Variants in KIF16B observed in about 807,000 individuals in gnomAD.
KIF16B encodes the protein kinesin family member 16B.
A neutral mutation model predicts 156.3 loss-of-function variants in KIF16B; 98 were observed. The observed-to-expected ratio is 0.63, with a 90% CI of 0.53 to 0.74. KIF16B has a LOEUF of 0.74. KIF16B is among the 30% of genes least tolerant of loss of function. KIF16B has a pLI of 0.00. For missense variants in KIF16B, 1,421 were observed against 1,606.5 expected, an observed-to-expected ratio of 0.88 and a Z score of 1.97; for synonymous variants, 564 against 583.7, an observed-to-expected ratio of 0.97 and a Z score of 0.49.
At chr20:16,564,087 T>C (rs1157779406) in intron 1 of KIF16B, among the ~76,000 whole-genome samples, 1 of 152,160 alleles carries the variant, frequency 6.6e-6, no homozygotes, top group Non-Finnish European at 1.5e-5. Context: ...AAAAAATCTG[T>C]CTTCTGCTGA....
intron 11 of KIF16B, 55 bp from the exon 12 acceptor site, chr20:16,494,405 C>A: frequency 3.3e-6 from 4 of 1,204,370 alleles, no homozygotes; most frequent in Non-Finnish European, 4.8e-6. Flanking sequence ...TTATAATTTT[C>A]TTCTAGTTTC....
intron 23 of KIF16B, among the ~76,000 whole-genome samples, chr20:16,340,832 C>A (rs1187545282): frequency 6.6e-6 from 1 of 152,166 alleles, no homozygotes; most frequent in African/African-American, 2.4e-5. Flanking sequence ...ATATCAACTT[C>A]TCTAATGAAC....
At position 16,504,659 on chromosome 20, in the gene KIF16B, A is replaced by G. The variant is rs1341766459; in HGVS notation, c.1001-112T>C. On this transcript the variant is annotated intron_variant, in intron 9 of 25. Transcript: ENST00000354981. Reference sequence around the variant, plus strand: ...TAACCCCAGGTCATTGGAGAGACTAAATATTCATTGCCACAGTAATGAATA... The same window carrying G: ...TAACCCCAGGTCATTGGAGAGACTAGATATTCATTGCCACAGTAATGAATA... 2.2e-5 allele frequency: 17 copies of G among 767,176 alleles called. No homozygotes were observed. In the Admixed American group the frequency reaches 2.4e-4, roughly 11 times the overall value. 47.5% of individuals were successfully genotyped at this position (767,176 alleles called of 1,614,324 possible).
chr20:16,529,076 T>C (rs1369686142), intron 1 of KIF16B, among the ~76,000 whole-genome samples: 1 of 152,216 alleles, frequency 6.6e-6, no homozygotes, highest in Non-Finnish European at 1.5e-5. Flanking sequence ...TATACTGGGA[T>C]ATACTGTTCA....
At chr20:16,310,629 G>A (rs73234344) in intron 25 of KIF16B, among the ~76,000 whole-genome samples, 3,785 of 152,222 alleles carry the variant, frequency 0.025, 147 homozygotes, top group African/African-American at 0.085. Context: ...ATGAAGGCAG[G>A]GAAGAGTTAG....
intron 1 of KIF16B, among the ~76,000 whole-genome samples, chr20:16,564,021 C>T (rs960697520): frequency 1.3e-5 from 2 of 152,204 alleles, no homozygotes; most frequent in South Asian, 4.2e-4. Flanking sequence ...CTTCTTTCAC[C>T]AACCCCAAAC....
chr20:16,416,506 G>A (rs2144942), intron 15 of KIF16B, among the ~76,000 whole-genome samples: 72,708 of 151,910 alleles, frequency 0.48, 18,128 homozygotes, highest in East Asian at 0.77. Flanking sequence ...GTTCTCACTT[G>A]TAAGTGGGAG....
chr20:16,283,544 G>A (rs752482048), intron 25 of KIF16B, among the ~76,000 whole-genome samples: 1 of 152,164 alleles, frequency 6.6e-6, no homozygotes, highest in Non-Finnish European at 1.5e-5. Flanking sequence ...CAGTGAGCCC[G>A]CCAGGTCTCC....
chr20:16,470,473 A>ATTTTGTTCT (rs2067630085), intron 12 of KIF16B, among the ~76,000 whole-genome samples: 1 of 151,876 alleles, frequency 6.6e-6, no homozygotes, highest in Non-Finnish European at 1.5e-5. Context: ...TTAAAGTTCC[A>ATTTTGTTCT]TTTTGTTCTT....
chr20:16,279,284 G>C (rs947126645), intron 25 of KIF16B, among the ~76,000 whole-genome samples: 1 of 152,152 alleles, frequency 6.6e-6, no homozygotes, highest in Non-Finnish European at 1.5e-5. Context: ...ACTAGCGCTT[G>C]GAGTCTCCTG....
chr20:16,285,609 G>T (rs2063211539), intron 25 of KIF16B, among the ~76,000 whole-genome samples: 2 of 152,148 alleles, frequency 1.3e-5, no homozygotes, highest in African/African-American at 2.4e-5. Context: ...TTGAGACCAG[G>T]AGTTTCAGAC....
At chr20:16,279,750 G>A (rs2063118653) in intron 25 of KIF16B, among the ~76,000 whole-genome samples, 1 of 152,186 alleles carries the variant, frequency 6.6e-6, no homozygotes, top group African/African-American at 2.4e-5. Context: ...CCCAGACCCT[G>A]ATCTACACAT....
chr20:16,534,771 T>A (rs1346132894), intron 1 of KIF16B, among the ~76,000 whole-genome samples: 2 of 152,166 alleles, frequency 1.3e-5, no homozygotes, highest in Non-Finnish European at 2.9e-5. Context: ...AGCCCCAATG[T>A]ACGTTCTTGG....
intron 10 of KIF16B, among the ~76,000 whole-genome samples, chr20:16,501,234 T>C (rs2068612185): frequency 6.6e-6 from 1 of 151,334 alleles, no homozygotes; most frequent in Non-Finnish European, 1.5e-5. Flanking sequence ...GATGGTGGTC[T>C]ATTAACTGGC....
intron 20 of KIF16B, among the ~76,000 whole-genome samples, chr20:16,373,528 G>C (rs1179704150): frequency 3.9e-5 from 6 of 152,010 alleles, no homozygotes; most frequent in African/African-American, 1.4e-4. Context: ...CTTAACTAAA[G>C]TAACATCAGA....
intron 17 of KIF16B, among the ~76,000 whole-genome samples, chr20:16,399,615 CT>C (rs998492841): frequency 6.6e-6 from 1 of 152,196 alleles, no homozygotes; most frequent in Non-Finnish European, 1.5e-5. Context: ...CAAACCCGAG[CT>C]TTTCCCATGG....
At chr20:16,490,392 A>G (rs141451607) in intron 12 of KIF16B, among the ~76,000 whole-genome samples, 2,194 of 151,970 alleles carry the variant, frequency 0.014, 55 homozygotes, top group African/African-American at 0.05. Flanking sequence ...AAGACAAAAA[A>G]TAGCCAGGCA....
intron 12 of KIF16B, among the ~76,000 whole-genome samples, chr20:16,469,388 T>C (rs2067593189): frequency 6.9e-6 from 1 of 144,800 alleles, no homozygotes; most frequent in African/African-American, 2.8e-5. Flanking sequence ...CTACATAACA[T>C]GTGGATCAAA....
chr20:16,403,288 T>C (rs902629941), intron 17 of KIF16B, among the ~76,000 whole-genome samples: 1 of 152,212 alleles, frequency 6.6e-6, no homozygotes, highest in African/African-American at 2.4e-5. Flanking sequence ...TAAAGATCTG[T>C]GTATTATATT....
Sources: allele counts gnomAD v4.1 joint callset (sites outside exome capture counted in the v4.1 genomes callset), GRCh38; gene constraint gnomAD v4.1.1; transcripts MANE v1.5; gene names NCBI Gene and HGNC (gene_info 2026-07-23, HGNC 2026-07-21).